Variants in CPQ observed in about 807,000 individuals in gnomAD.
CPQ encodes carboxypeptidase Q.
A neutral mutation model predicts 45.7 loss-of-function variants in CPQ; 37 were observed. The ratio of observed to expected loss-of-function variants is 0.81; its 90% confidence interval spans 0.62 to 1.07. CPQ has a LOEUF of 1.07. Among genes scored for constraint, CPQ ranks in the 50% least tolerant of loss-of-function variants. CPQ has a pLI of 0.00. For missense variants in CPQ, 537 were observed against 572.9 expected, an observed-to-expected ratio of 0.94 and a Z score of 0.64; for synonymous variants, 186 against 205.8, an observed-to-expected ratio of 0.90 and a Z score of 0.82.
At chr8:97,138,519 A>G (rs1812101574) in intron 7 of CPQ, among the ~76,000 whole-genome samples, 1 of 152,348 alleles carries the variant, frequency 6.6e-6, no homozygotes, top group South Asian at 2.1e-4. Flanking sequence ...GGTTACCAGA[A>G]ACACATAGAA....
intron 4 of CPQ, among the ~76,000 whole-genome samples, chr8:96,926,320 T>G (rs541766462): frequency 6.6e-6 from 1 of 152,328 alleles, no homozygotes; most frequent in South Asian, 2.1e-4. Context: ...TCTGTCTCTT[T>G]GTAGCTTCAA....
chr8:96,909,066 G>A (rs1438084728), intron 4 of CPQ, among the ~76,000 whole-genome samples: 2 of 152,074 alleles, frequency 1.3e-5, no homozygotes, highest in African/African-American at 2.4e-5. Flanking sequence ...GACCTGTTTT[G>A]TATCCAGCAA....
Position 97,045,268 on chromosome 8 carries a change from C to T in CPQ, c.1053+15774C>T, listed in dbSNP as rs186010264. 3.9e-5 allele frequency among the ~76,000 whole-genome samples: 6 copies of T among 152,338 alleles called. No homozygotes were observed. In the East Asian group the frequency reaches 1.2e-3, roughly 29 times the overall value. ...GCTGTGCTAGCAATCAGTGAGACTC[C>T]GTGGGCATAGTACCTTCCAAGCCAT... On this transcript the variant is annotated intron_variant, in intron 6 of 7. Transcript: ENST00000220763.
intron 7 of CPQ, among the ~76,000 whole-genome samples, chr8:97,089,833 G>A (rs1310016706): frequency 6.6e-6 from 1 of 152,054 alleles, no homozygotes; most frequent in Non-Finnish European, 1.5e-5. Flanking sequence ...ACAATCTCCT[G>A]TACAGCTTAT....
intron 4 of CPQ, among the ~76,000 whole-genome samples, chr8:96,915,345 A>G (rs964335324): frequency 1.3e-5 from 2 of 152,178 alleles, no homozygotes; most frequent in African/African-American, 4.8e-5. Flanking sequence ...CTGAACACCA[A>G]AATAACTACA....
intron 7 of CPQ, among the ~76,000 whole-genome samples, chr8:97,142,334 T>C (rs1307432711): frequency 6.6e-6 from 1 of 152,120 alleles, no homozygotes; most frequent in African/African-American, 2.4e-5. Context: ...GATCCATGAC[T>C]GAAACTAGCA....
At chr8:96,683,009 A>G (rs1809171223) in intron 1 of CPQ, among the ~76,000 whole-genome samples, 1 of 152,096 alleles carries the variant, frequency 6.6e-6, no homozygotes. Flanking sequence ...TGTTTTATAT[A>G]TCATTTGTCT....
chr8:96,719,299 C>T (rs373951000), intron 1 of CPQ, among the ~76,000 whole-genome samples: 3 of 152,304 alleles, frequency 2.0e-5, no homozygotes, highest in East Asian at 3.9e-4. Flanking sequence ...TTTGGGGGAC[C>T]AAGTACACCC....
chr8:96,889,627 C>T (rs1043547683), intron 4 of CPQ, among the ~76,000 whole-genome samples: 7 of 152,120 alleles, frequency 4.6e-5, no homozygotes, highest in African/African-American at 9.7e-5. Context: ...TGGATCATCC[C>T]GAGTCCCAAA....
At chr8:97,005,993 C>T (rs915726414) in intron 5 of CPQ, among the ~76,000 whole-genome samples, 8 of 152,144 alleles carry the variant, frequency 5.3e-5, no homozygotes, top group Admixed American at 2.0e-4. Flanking sequence ...TCCCAGGTAT[C>T]GTCTGCAGTT....
intron 6 of CPQ, among the ~76,000 whole-genome samples, chr8:97,032,088 C>T (rs1809916497): frequency 6.6e-6 from 1 of 152,132 alleles, no homozygotes. Context: ...TTACTGAATG[C>T]CAGCAGACAG....
chr8:96,774,294 A>G (rs1810580451), intron 1 of CPQ, among the ~76,000 whole-genome samples: 1 of 152,022 alleles, frequency 6.6e-6, no homozygotes, highest in Non-Finnish European at 1.5e-5. Context: ...AAGTTTCAAC[A>G]TGAATTTTGG....
At chr8:96,708,419 ATGTG>A (rs61343547) in intron 1 of CPQ, among the ~76,000 whole-genome samples, 5,196 of 137,936 alleles carry the variant, frequency 0.038, 112 homozygotes, top group Non-Finnish European at 0.047. Context: ...GGTAAGCCAT[ATGTG>A]TGTGTGTGTG....
At chr8:97,042,174 G>T (rs1810139460) in intron 6 of CPQ, among the ~76,000 whole-genome samples, 1 of 152,204 alleles carries the variant, frequency 6.6e-6, no homozygotes, top group Non-Finnish European at 1.5e-5. Context: ...CCTGTTATTG[G>T]TCTATTCAGA....
At position 96,835,222 on chromosome 8, in the gene CPQ, G is replaced by T. The variant is rs777532441; in HGVS notation, c.641+42G>T. 1.1e-5 allele frequency: 15 copies of T among 1,377,376 alleles called. No homozygotes were observed. In the East Asian group the frequency reaches 3.7e-4, roughly 34 times the overall value. The allele number at this position is 1,377,376 out of a possible 1,614,324, so 85.3% of individuals were successfully genotyped here. A position where few individuals can be genotyped will look rare whatever the true frequency, so the allele number is the denominator to read the frequency against. ...ATTTGAATTCCTTTCAAAAACAAGGGTTTTCCGTGAAGGAAAAGTCCTTAT... is the reference window on the plus strand; with the variant it reads ...ATTTGAATTCCTTTCAAAAACAAGGTTTTTCCGTGAAGGAAAAGTCCTTAT... On this transcript the variant is annotated intron_variant, in intron 3 of 7. Transcript: ENST00000220763.
At position 96,879,892 on chromosome 8, in the gene CPQ, GCT is replaced by G. The variant is rs1181704231; in HGVS notation, c.737_738del (p.Ala246ValfsTer21). 1.9e-6 allele frequency: 3 copies of G among 1,614,000 alleles called. No homozygotes were observed. Among genetic ancestry groups the G allele is most frequent in the Non-Finnish European group, 2.5e-6 (3 of 1,179,942 alleles). On this transcript the variant is annotated frameshift_variant, in exon 4 of 8. Transcript: ENST00000220763. LOFTEE classifies it high-confidence loss of function. ...AGATGCAGAAATGATGTCAAGAATG[GCT>G]TCTCATGGGATCAAAATTGTCATTC... ...VEDAEMMSRM[A>X]SHGIKIVIQL...
intron 5 of CPQ, among the ~76,000 whole-genome samples, chr8:96,984,257 C>T (rs1215376515): frequency 6.6e-6 from 1 of 152,054 alleles, no homozygotes; most frequent in Non-Finnish European, 1.5e-5. Flanking sequence ...TATAAACTGT[C>T]CCCAGATTTG....
At chr8:96,845,310 G>T (rs962432052) in intron 3 of CPQ, among the ~76,000 whole-genome samples, 26 of 152,044 alleles carry the variant, frequency 1.7e-4, no homozygotes, top group African/African-American at 6.3e-4. Context: ...AATTGCATGA[G>T]GACTGGAACT....
At chr8:96,915,180 T>C (rs1170109904) in intron 4 of CPQ, among the ~76,000 whole-genome samples, 1 of 152,176 alleles carries the variant, frequency 6.6e-6, no homozygotes, top group Non-Finnish European at 1.5e-5. Context: ...CTAGCCTTCC[T>C]GTCCTGCTAC....
Sources: allele counts gnomAD v4.1 joint callset (sites outside exome capture counted in the v4.1 genomes callset), GRCh38; gene constraint gnomAD v4.1.1; transcripts MANE v1.5; gene names NCBI Gene and HGNC (gene_info 2026-07-23, HGNC 2026-07-21).